Variants in NLGN1 observed in about 807,000 individuals in gnomAD.
The protein encoded by NLGN1 is neuroligin 1.
NLGN1 carries 12 observed loss-of-function variants against 65.5 expected under a neutral mutation model. The observed-to-expected ratio is 0.18, with a 90% CI of 0.12 to 0.30. NLGN1 has a LOEUF of 0.30. Ranked by LOEUF, NLGN1 falls within the 10% of genes least tolerant of loss-of-function variation. The pLI is 1.00. For synonymous variants in NLGN1, 350 were observed against 359.5 expected (o/e 0.97, Z 0.30); for missense variants, 750 against 1,007.1 (o/e 0.74, Z 3.46).
chr3:174,184,080 G>A (rs1344494523), intron 4 of NLGN1, among the ~76,000 whole-genome samples: 1 of 152,150 alleles, frequency 6.6e-6, no homozygotes, highest in African/African-American at 2.4e-5. Context: ...TGGTAAAAGA[G>A]AAGGATATCT....
chr3:173,481,256 CAAAT>C (rs1576899124), intron 2 of NLGN1, among the ~76,000 whole-genome samples: 1 of 151,802 alleles, frequency 6.6e-6, no homozygotes, highest in East Asian at 1.9e-4. Flanking sequence ...AACAACTAAA[CAAAT>C]ATTTATTGTT....
At chr3:173,744,832 T>TTA (rs138736139) in intron 3 of NLGN1, among the ~76,000 whole-genome samples, 6,113 of 151,456 alleles carry the variant, frequency 0.04, 433 homozygotes, top group African/African-American at 0.14. Flanking sequence ...ATTTATTTAT[T>TTA]TTTTTTTTGA....
downstream of NLGN1, among the ~76,000 whole-genome samples, chr3:174,290,731 C>T (rs1403166803): frequency 2.0e-5 from 3 of 150,778 alleles, no homozygotes; most frequent in Non-Finnish European, 3.0e-5. Flanking sequence ...GACAAATTCA[C>T]AAGGAAAATA....
chr3:173,649,522 C>G (rs1758808325), intron 3 of NLGN1, among the ~76,000 whole-genome samples: 1 of 151,798 alleles, frequency 6.6e-6, no homozygotes, highest in Non-Finnish European at 1.5e-5. Flanking sequence ...ATGTTGAGTC[C>G]ACATTGTTAT....
Position 173,565,089 on chromosome 3 carries a change from C to T in NLGN1, c.-320-39190C>T, listed in dbSNP as rs188118218. Among the ~76,000 whole-genome samples, 10 of 152,032 alleles carry T rather than the reference C, an allele frequency of 6.6e-5. No individual in the cohort carries two copies. In the South Asian group the frequency reaches 1.0e-3, roughly 16 times the overall value. ...ATAAGGATGAGAGACACAAGGAGTACGGGGCAAAGTTAGAGAAGATGTCAG... is the reference window on the plus strand; with the variant it reads ...ATAAGGATGAGAGACACAAGGAGTATGGGGCAAAGTTAGAGAAGATGTCAG... On this transcript the variant is annotated intron_variant, in intron 2 of 6. Coordinates refer to ENST00000457714, the Ensembl canonical transcript of NLGN1.
At chr3:173,616,694 A>G (rs904485202) in intron 3 of NLGN1, among the ~76,000 whole-genome samples, 1 of 151,872 alleles carries the variant, frequency 6.6e-6, no homozygotes, top group Admixed American at 6.6e-5. Context: ...TTCCTTCTCC[A>G]TTTCTCGCAT....
At chr3:173,679,334 GA>G (rs769323395) in intron 3 of NLGN1, among the ~76,000 whole-genome samples, 10 of 151,984 alleles carry the variant, frequency 6.6e-5, no homozygotes, top group Non-Finnish European at 1.2e-4. Context: ...CAGGATTTCA[GA>G]AAAGATAAAG....
intron 4 of NLGN1, among the ~76,000 whole-genome samples, chr3:174,099,879 C>T (rs531037056): frequency 4.6e-5 from 7 of 152,270 alleles, no homozygotes; most frequent in African/African-American, 1.7e-4. Context: ...TGTTTCTCGA[C>T]GTCCACGTGT....
chr3:174,017,379 A>T (rs1726795508), intron 4 of NLGN1, among the ~76,000 whole-genome samples: 1 of 152,182 alleles, frequency 6.6e-6, no homozygotes, highest in African/African-American at 2.4e-5. Flanking sequence ...TGAGATGTGT[A>T]TAGTAAATCA....
At chr3:173,867,132 T>C (rs892973838) in intron 4 of NLGN1, among the ~76,000 whole-genome samples, 2 of 152,140 alleles carry the variant, frequency 1.3e-5, no homozygotes, top group Non-Finnish European at 2.9e-5. Context: ...AAAACTAATT[T>C]AGATAAAAAC....
At chr3:173,906,878 C>CAAAAAAAAAAAA (rs1224471514) in intron 4 of NLGN1, among the ~76,000 whole-genome samples, 5 of 88,268 alleles carry the variant, frequency 5.7e-5, no homozygotes, top group African/African-American at 1.6e-4. Flanking sequence ...CAAACAAAAA[C>CAAAAAAAAAAAA]AAAAAAAAAA....
chr3:173,445,972 G>T (rs978805917), intron 2 of NLGN1, among the ~76,000 whole-genome samples: 4 of 152,126 alleles, frequency 2.6e-5, no homozygotes, highest in Middle Eastern at 3.4e-3. Flanking sequence ...ACTGTGAGCA[G>T]ATTACCCCTG....
chr3:174,259,773 C>T (rs1256394407), intron 4 of NLGN1, among the ~76,000 whole-genome samples: 55 of 151,000 alleles, frequency 3.6e-4, no homozygotes, highest in African/African-American at 1.2e-3. Context: ...CATGCTGGTG[C>T]GCTGCACCCA....
chr3:173,558,243 T>C (rs1742030407), intron 2 of NLGN1, among the ~76,000 whole-genome samples: 1 of 152,166 alleles, frequency 6.6e-6, no homozygotes, highest in African/African-American at 2.4e-5. Context: ...CTTTTTAAGA[T>C]GTTCTATATA....
chr3:173,720,135 AAG>A (rs1475536514), intron 3 of NLGN1, among the ~76,000 whole-genome samples: 9 of 152,090 alleles, frequency 5.9e-5, no homozygotes, highest in Admixed American at 5.9e-4. Context: ...AAAAAAGAAA[AAG>A]AATTTTTTAA....
chr3:174,292,186 G>A, the NLGN1 span, among the ~76,000 whole-genome samples: 7 of 151,166 alleles, frequency 4.6e-5, no homozygotes, highest in African/African-American at 1.7e-4. Context: ...CTATCAGAAT[G>A]AACACTTTAA....
chr3:173,762,503 A>AT (rs1271105895), intron 3 of NLGN1, among the ~76,000 whole-genome samples: 10 of 151,972 alleles, frequency 6.6e-5, no homozygotes, highest in East Asian at 1.9e-4. Flanking sequence ...AAATGATGTG[A>AT]TTTTTTTCTT....
chr3:174,206,611 A>G (rs1735475228), intron 4 of NLGN1, among the ~76,000 whole-genome samples: 1 of 152,184 alleles, frequency 6.6e-6, no homozygotes, highest in East Asian at 1.9e-4. Context: ...GCTCTATAGA[A>G]GTTACCTCTC....
intron 1 of NLGN1, among the ~76,000 whole-genome samples, chr3:173,427,254 A>T (rs1049823504): frequency 1.3e-5 from 2 of 151,724 alleles, no homozygotes; most frequent in Non-Finnish European, 2.9e-5. Flanking sequence ...TTATCTTCTC[A>T]AACAGCTTTC....
Sources: allele counts gnomAD v4.1 joint callset (sites outside exome capture counted in the v4.1 genomes callset), GRCh38; gene constraint gnomAD v4.1.1; transcripts MANE v1.5; gene names NCBI Gene and HGNC (gene_info 2026-07-23, HGNC 2026-07-21).